CYB5R4: variants seen among roughly 807,000 people sequenced by gnomAD.
The protein encoded by CYB5R4 is cytochrome b5 reductase 4.
Under a neutral mutation model 70.2 loss-of-function variants are expected in CYB5R4, and 55 were observed. The ratio of observed to expected loss-of-function variants is 0.78; its 90% CI spans 0.63 to 0.98. The LOEUF (loss-of-function observed/expected upper bound fraction) is 0.98, where lower values mean the gene tolerates loss of function less well. Among genes scored for constraint, CYB5R4 ranks in the 50% least tolerant of loss-of-function variants. CYB5R4 has a pLI of 0.00. For synonymous variants in CYB5R4, 197 were observed against 199.5 expected (o/e 0.99, Z 0.11); for missense variants, 562 against 612.6 (o/e 0.92, Z 0.87).
intron 2 of CYB5R4, among the ~76,000 whole-genome samples, chr6:83,892,697 C>T (rs1330131192): frequency 1.3e-5 from 2 of 152,104 alleles, no homozygotes; most frequent in African/African-American, 4.8e-5. Flanking sequence ...TTTCACAGAG[C>T]GTGCCTAAGT....
intron 2 of CYB5R4, among the ~76,000 whole-genome samples, chr6:83,882,578 A>G (rs898029220): frequency 2.6e-5 from 4 of 152,312 alleles, no homozygotes; most frequent in Admixed American, 2.0e-4. Context: ...TACTAGATAT[A>G]CTCAAGAGAA....
rs770101890 is a variant in CYB5R4, at chr6:83,919,499, T to C, written c.564+45T>C. On this transcript the variant is annotated intron_variant, in intron 7 of 15. Transcript: ENST00000369681. ...CAGAAAAGAAGAAAATAATAAATGTTAATTTATGTACCAGGTCTTTTTCTA... is the reference window on the plus strand; with the variant it reads ...CAGAAAAGAAGAAAATAATAAATGTCAATTTATGTACCAGGTCTTTTTCTA... The C allele has an allele frequency of 4.9e-6, 5 of 1,022,048 alleles. No individual in the cohort carries two copies. In the South Asian group the frequency reaches 8.2e-5, roughly 17 times the overall value. 63.3% of individuals were successfully genotyped at this position (1,022,048 alleles called of 1,614,324 possible). A position where few individuals can be genotyped will look rare whatever the true frequency, so the allele number is the denominator to read the frequency against.
chr6:83,950,416 A>T (rs1251003126), intron 14 of CYB5R4, among the ~76,000 whole-genome samples: 1 of 152,138 alleles, frequency 6.6e-6, no homozygotes, highest in Non-Finnish European at 1.5e-5. Flanking sequence ...CAAATATGTG[A>T]TCAGTGTATG....
At chr6:83,940,015 G>GTTTTTTTTTTTTT in intron 12 of CYB5R4, 41 bp from the exon 13 acceptor site, 3 of 1,158,936 alleles carry the variant, frequency 2.6e-6, no homozygotes, top group South Asian at 1.7e-5. Context: ...TTTGTTTTTT[G>GTTTTTTTTTTTTT]TTTTTTTTTT....
chr6:83,868,261 T>C (rs1195875144), intron 2 of CYB5R4, among the ~76,000 whole-genome samples: 1 of 152,158 alleles, frequency 6.6e-6, no homozygotes, highest in African/African-American at 2.4e-5. Flanking sequence ...CTGATCACAA[T>C]GTGGGAGACA....
At chr6:83,876,825 T>G (rs1289723266) in intron 2 of CYB5R4, among the ~76,000 whole-genome samples, 2 of 152,160 alleles carry the variant, frequency 1.3e-5, no homozygotes, top group Non-Finnish European at 2.9e-5. Context: ...AGATTTCTGC[T>G]GAAGAACTTC....
At chr6:83,951,718 A>G (rs1222202914) in intron 14 of CYB5R4, among the ~76,000 whole-genome samples, 1 of 152,114 alleles carries the variant, frequency 6.6e-6, no homozygotes, top group African/African-American at 2.4e-5. Flanking sequence ...AGTCTTTGCT[A>G]TTGTGAATAG....
At position 83,962,680 on chromosome 6, in the gene CYB5R4, C is replaced by T. The variant is rs2099473518; in HGVS notation, c.*2802C>T. On this transcript the variant is annotated 3_prime_UTR_variant, in exon 16 of 16. Transcript: ENST00000369681. ...ATCAGATTGTCAGCTGAGCTGGGCT[C>T]TTAGCTAGAGGCTGTAAGGGGAAGT... 1.3e-5 allele frequency: 2 copies of T among 152,162 alleles called. No homozygotes were observed. The highest frequency in any genetic ancestry group is 1.3e-4 in the Admixed American group (2 of 15,266). 9.4% of individuals were successfully genotyped at this position (152,162 alleles called of 1,614,324 possible).
intron 3 of CYB5R4, among the ~76,000 whole-genome samples, chr6:83,905,627 G>C (rs1411592369): frequency 2.6e-5 from 4 of 152,056 alleles, no homozygotes; most frequent in Non-Finnish European, 2.9e-5. Context: ...TGGGCTAAGT[G>C]TGTCTGTCCT....
chr6:83,882,765 A>G (rs569219172), intron 2 of CYB5R4, among the ~76,000 whole-genome samples: 1 of 152,264 alleles, frequency 6.6e-6, no homozygotes, highest in African/African-American at 2.4e-5. Flanking sequence ...AGGTGGGTGG[A>G]TCACGAGATC....
At chr6:83,890,757 CCAA>C (rs1340723094) in intron 2 of CYB5R4, among the ~76,000 whole-genome samples, 3 of 151,936 alleles carry the variant, frequency 2.0e-5, no homozygotes, top group African/African-American at 4.8e-5. Flanking sequence ...CCTTAAGCAC[CCAA>C]CATGCTGATC....
At chr6:83,953,492 A>AT (rs1285645242) in intron 14 of CYB5R4, among the ~76,000 whole-genome samples, 1 of 152,116 alleles carries the variant, frequency 6.6e-6, no homozygotes, top group African/African-American at 2.4e-5. Context: ...AACAAAAAAA[A>AT]CAAAAGCAGG....
At chr6:83,910,350 A>G (rs1383479381) in intron 4 of CYB5R4, 2 of 549,836 alleles carry the variant, frequency 3.6e-6, no homozygotes, top group Non-Finnish European at 6.5e-6. Flanking sequence ...TAAGACGGTT[A>G]CTGGTGGAGA....
chr6:83,874,813 C>G (rs940550482), intron 2 of CYB5R4, among the ~76,000 whole-genome samples: 2 of 151,310 alleles, frequency 1.3e-5, no homozygotes, highest in African/African-American at 4.9e-5. Flanking sequence ...TGTCTTTATT[C>G]TTTATTTTTT....
rs1562850979 is a variant in CYB5R4, at chr6:83,966,449, T to G, written c.*6571T>G. ...GCTCATGCCTGTAATCCCAGCACTT[T>G]GGGAGGCCGAGGCGGGTGGATCACC... On this transcript the variant is annotated 3_prime_UTR_variant, in exon 16 of 16. Transcript: ENST00000369681. 6.6e-6 allele frequency: 1 copy of G among 152,188 alleles called. No homozygotes were observed. The highest frequency in any genetic ancestry group is 2.4e-5 in the African/African-American group (1 of 41,456). The allele number at this position is 152,188 out of a possible 1,614,324, so 9.4% of individuals were successfully genotyped here. A position where few individuals can be genotyped will look rare whatever the true frequency, so the allele number is the denominator to read the frequency against.
chr6:83,959,974 T>A lies in CYB5R4; in HGVS notation c.*96T>A. 1 of 899,596 alleles carries A rather than the reference T, an allele frequency of 1.1e-6. No homozygotes were observed. Among genetic ancestry groups the A allele is most frequent in the Non-Finnish European group, 1.6e-6 (1 of 615,510 alleles). 55.7% of individuals were successfully genotyped at this position (899,596 alleles called of 1,614,324 possible). On this transcript the variant is annotated 3_prime_UTR_variant, in exon 16 of 16. Coordinates refer to ENST00000369681, the MANE Select transcript of CYB5R4 (RefSeq NM_016230.4). The stretch of plus-strand genomic sequence containing the variant: ...AACATTTTTGTACATAACAAAAGGT[T>A]AACTAGAATCCAGCCTTCAGTTTCT...
At chr6:83,875,179 A>G (rs372155947) in intron 2 of CYB5R4, among the ~76,000 whole-genome samples, 46 of 152,306 alleles carry the variant, frequency 3.0e-4, no homozygotes, top group African/African-American at 1.1e-3. Context: ...TATCCCTTGC[A>G]TCTGGCAGAG....
chr6:83,908,575 C>T (rs1467955082), intron 3 of CYB5R4, among the ~76,000 whole-genome samples: 1 of 152,162 alleles, frequency 6.6e-6, no homozygotes, highest in South Asian at 2.1e-4. Flanking sequence ...ATATCTTCCT[C>T]ATGCTCCCTC....
At chr6:83,884,533 G>A (rs1416533126) in intron 2 of CYB5R4, among the ~76,000 whole-genome samples, 1 of 152,084 alleles carries the variant, frequency 6.6e-6, no homozygotes, top group Non-Finnish European at 1.5e-5. Context: ...AACATTGATG[G>A]AATTGAGGGG....
Sources: gnomAD v4.1 joint callset for allele counts (sites outside exome capture counted in the v4.1 genomes callset) on GRCh38, gnomAD v4.1.1 for gene constraint, MANE v1.5 for transcripts, NCBI Gene and HGNC (gene_info 2026-07-23, HGNC 2026-07-21) for gene names.